Variants in CDH13 observed in about 807,000 individuals in gnomAD.
The protein encoded by CDH13 is cadherin 13, also known as cadherin-13.
Under a neutral mutation model 63.8 loss-of-function variants are expected in CDH13, and 24 were observed. The ratio of observed to expected loss-of-function variants is 0.38; its 90% CI spans 0.27 to 0.53. The LOEUF (loss-of-function observed/expected upper bound fraction) is 0.53. Ranked by LOEUF, CDH13 falls within the 20% of genes least tolerant of loss-of-function variation. The probability of loss-of-function intolerance (pLI) is 0.85; values close to 1 mark genes in which losing one functional copy is unlikely to be tolerated. For missense variants in CDH13, 1,049 were observed against 903.1 expected (o/e 1.16, Z -2.07); for synonymous variants, 503 against 355.3 (o/e 1.42, Z -4.67).
chr16:83,131,623 C>A (rs2036056915), intron 4 of CDH13, among the ~76,000 whole-genome samples: 1 of 152,076 alleles, frequency 6.6e-6, no homozygotes, highest in Non-Finnish European at 1.5e-5. Context: ...AATCTGTAAG[C>A]CAGCAGGGAG....
chr16:82,718,893 C>A (rs1282278381), intron 1 of CDH13, among the ~76,000 whole-genome samples: 1 of 152,120 alleles, frequency 6.6e-6, no homozygotes. Context: ...TATCAAGTGT[C>A]CAGAGTGAAA....
At chr16:83,766,234 T>C (rs1914377501) in intron 11 of CDH13, among the ~76,000 whole-genome samples, 1 of 152,190 alleles carries the variant, frequency 6.6e-6, no homozygotes, top group Admixed American at 6.5e-5. Flanking sequence ...GATTTGAATT[T>C]AGACAGAGCC....
intron 7 of CDH13, among the ~76,000 whole-genome samples, chr16:83,562,824 A>T (rs1232626311): frequency 1.3e-5 from 2 of 152,220 alleles, no homozygotes; most frequent in African/African-American, 4.8e-5. Context: ...CTTGGTAAAC[A>T]TGCATCTGAA....
At chr16:82,997,811 C>T (rs370156363) in intron 2 of CDH13, among the ~76,000 whole-genome samples, 26 of 152,270 alleles carry the variant, frequency 1.7e-4, no homozygotes, top group African/African-American at 6.3e-4. Flanking sequence ...GTATCATTTT[C>T]TGGGCTATTT....
intron 1 of CDH13, chr16:82,639,563 C>T (rs548112093): frequency 5.2e-6 from 4 of 763,216 alleles, no homozygotes; most frequent in South Asian, 4.8e-5. Flanking sequence ...CTGCAAGCTA[C>T]TCTTTGTAAT....
intron 1 of CDH13, among the ~76,000 whole-genome samples, chr16:82,703,003 C>G (rs2031175953): frequency 6.6e-6 from 1 of 152,112 alleles, no homozygotes; most frequent in African/African-American, 2.4e-5. Flanking sequence ...GAGCTGTGGT[C>G]AGCACACAGC....
chr16:83,063,810 T>A (rs2031782993), intron 3 of CDH13, among the ~76,000 whole-genome samples: 1 of 152,116 alleles, frequency 6.6e-6, no homozygotes, highest in Admixed American at 6.5e-5. Flanking sequence ...CAAGGAGCAT[T>A]TGTTCCTTGT....
intron 6 of CDH13, among the ~76,000 whole-genome samples, chr16:83,349,384 A>G (rs532541348): frequency 4.6e-5 from 7 of 152,238 alleles, no homozygotes; most frequent in South Asian, 4.2e-4. Context: ...GTTGGCATCA[A>G]TTCATGGGTG....
chr16:83,756,245 A>G (rs1913497617), intron 11 of CDH13, among the ~76,000 whole-genome samples: 2 of 152,250 alleles, frequency 1.3e-5, no homozygotes, highest in African/African-American at 4.8e-5. Context: ...GTATATACCT[A>G]ATTATACCAC....
At chr16:83,124,847 T>C (rs888957426) in intron 3 of CDH13, among the ~76,000 whole-genome samples, 2 of 152,200 alleles carry the variant, frequency 1.3e-5, no homozygotes, top group African/African-American at 4.8e-5. Flanking sequence ...GGTATGTGGC[T>C]TTAGTTCTGG....
intron 7 of CDH13, among the ~76,000 whole-genome samples, chr16:83,601,039 C>G (rs533245850): frequency 6.6e-6 from 1 of 152,162 alleles, no homozygotes; most frequent in African/African-American, 2.4e-5. Context: ...CTTCACCTAA[C>G]TGTCAAACAC....
At chr16:83,612,259 A>G (rs1317157312) in intron 8 of CDH13, among the ~76,000 whole-genome samples, 1 of 152,054 alleles carries the variant, frequency 6.6e-6, no homozygotes, top group Non-Finnish European at 1.5e-5. Flanking sequence ...CATGAAATGT[A>G]CCTCTCTATC....
At chr16:82,952,887 A>C (rs1905497792) in intron 2 of CDH13, among the ~76,000 whole-genome samples, 1 of 152,198 alleles carries the variant, frequency 6.6e-6, no homozygotes, top group East Asian at 1.9e-4. Context: ...TACTGAAGCC[A>C]GCTGGAAACC....
At chr16:82,862,655 A>G (rs1004209407) in intron 2 of CDH13, among the ~76,000 whole-genome samples, 6 of 152,338 alleles carry the variant, frequency 3.9e-5, no homozygotes, top group African/African-American at 1.2e-4. Context: ...AAATCACAGC[A>G]TCTGAATTTA....
intron 4 of CDH13, among the ~76,000 whole-genome samples, chr16:83,176,471 C>T: frequency 7.1e-6 from 1 of 140,636 alleles, no homozygotes; most frequent in African/African-American, 2.7e-5. Context: ...GATTGCATCA[C>T]TGCACTCCAG....
chr16:83,683,632 A>G (rs1904275852), intron 10 of CDH13, among the ~76,000 whole-genome samples: 1 of 152,150 alleles, frequency 6.6e-6, no homozygotes, highest in Non-Finnish European at 1.5e-5. Flanking sequence ...GTTGTTGACT[A>G]TTTACATTGT....
At chr16:82,849,286 G>C (rs377691796) in intron 1 of CDH13, among the ~76,000 whole-genome samples, 2 of 152,204 alleles carry the variant, frequency 1.3e-5, no homozygotes, top group African/African-American at 2.4e-5. Flanking sequence ...GGTGGATCAC[G>C]AGGTCAGGAG....
At chr16:83,015,723 A>ATATATATATATG in intron 2 of CDH13, among the ~76,000 whole-genome samples, 1 of 125,702 alleles carries the variant, frequency 8.0e-6, no homozygotes, top group Non-Finnish European at 1.7e-5. Context: ...ATATATATAT[A>ATATATATATATG]AAGAAAAAGC....
chr16:82,719,845 CAAAAAA>C (rs34017657), intron 1 of CDH13, among the ~76,000 whole-genome samples: 1 of 88,206 alleles, frequency 1.1e-5, no homozygotes, highest in Non-Finnish European at 2.2e-5. Context: ...GACTCTGTCT[CAAAAAA>C]AAAAAAAAAA....
Sources: gnomAD v4.1 joint callset for allele counts (sites outside exome capture counted in the v4.1 genomes callset) on GRCh38, gnomAD v4.1.1 for gene constraint, MANE v1.5 for transcripts, NCBI Gene and HGNC (gene_info 2026-07-23, HGNC 2026-07-21) for gene names.